The following ASAH1 variants were observed in gnomAD, a reference collection of about 807,000 sequenced individuals.
ASAH1 encodes N-acylsphingosine amidohydrolase 1, also known as acid ceramidase.
In ASAH1, 70 loss-of-function variants were observed where a neutral mutation model predicts 59.5. The ratio of observed to expected loss-of-function variants is 1.18; its 90% confidence interval spans 0.97 to 1.43. ASAH1 has a LOEUF of 1.43. Ranked by LOEUF, ASAH1 falls within the 40% of genes most tolerant of loss-of-function variation. The pLI is 0.00. For synonymous variants in ASAH1, 213 were observed against 166.5 expected (o/e 1.28, Z -2.15); for missense variants, 660 against 482.5 (o/e 1.37, Z -3.45).
At position 18,069,787 on chromosome 8, in the gene ASAH1, C is replaced by G; in HGVS notation, c.303+5G>C. 5 of 1,543,974 alleles carry G rather than the reference C, an allele frequency of 3.2e-6. No individual in the cohort carries two copies. Among genetic ancestry groups the G allele is most frequent in the Non-Finnish European group, 4.5e-6 (5 of 1,117,570 alleles). ...ACATTTATTGTGAGAAATAATATCT[C>G]TTACCAATTTTTCATCCACCACCTG... On this transcript the variant is annotated splice_donor_5th_base_variant and intron_variant, in intron 4 of 13. Transcript: ENST00000637790.
At chr8:18,063,454 C>T (rs992736516) in intron 6 of ASAH1, 8 of 461,178 alleles carry the variant, frequency 1.7e-5, no homozygotes, top group South Asian at 1.1e-4. Flanking sequence ...CAGACATGTG[C>T]GACCGCACCT....
intron 2 of ASAH1, among the ~76,000 whole-genome samples, chr8:18,074,265 A>G (rs1021386693): frequency 1.3e-5 from 2 of 152,058 alleles, no homozygotes; most frequent in African/African-American, 4.8e-5. Flanking sequence ...AGACTTTCAG[A>G]CAGCAGGCCA....
chr8:18,084,530 C>A, upstream of ASAH1: 1 of 1,419,560 alleles, frequency 7.0e-7, no homozygotes, highest in East Asian at 2.5e-5. Flanking sequence ...CCCACCCTGA[C>A]CCATCTTTGC....
Position 18,072,615 on chromosome 8 carries a change from C to G in ASAH1, c.126-1225G>C, listed in dbSNP as rs1800221320. ...TCCCCATTTTCTTAGGAGCTGATAT[C>G]TACATGAAATGCTACAATACTTATA... On this transcript the variant is annotated intron_variant, in intron 2 of 13. Coordinates refer to ENST00000637790, the MANE Select transcript of ASAH1 (RefSeq NM_177924.5). Among the ~76,000 whole-genome samples, 4 of 152,182 alleles carry G rather than the reference C, an allele frequency of 2.6e-5. No homozygotes were observed. In the South Asian group the frequency reaches 8.3e-4, roughly 32 times the overall value.
intron 4 of ASAH1, 74 bp from the exon 5 acceptor site, chr8:18,067,372 TATA>T: frequency 1.1e-6 from 1 of 933,898 alleles, no homozygotes; most frequent in Non-Finnish European, 1.4e-6. Context: ...TATAAACAAA[TATA>T]ATAAAAGCAT....
At chr8:18,063,040 TTA>T (rs1799773424) in intron 7 of ASAH1, 143 bp downstream of exon 7, 3 of 722,240 alleles carry the variant, frequency 4.2e-6, no homozygotes, top group South Asian at 3.2e-5. Flanking sequence ...TGGCTAATTT[TTA>T]TGTTTTTAGT....
chr8:18,061,847 G>C (rs1588977925), intron 8 of ASAH1, 107 bp from the exon 9 acceptor site: 2 of 1,027,388 alleles, frequency 1.9e-6, no homozygotes, highest in Middle Eastern at 2.0e-4. Flanking sequence ...CTTGGGTAAT[G>C]GGGAAGGCAA....
chr8:18,066,034 T>A (rs1280080503), intron 5 of ASAH1: 1 of 152,044 alleles, frequency 6.6e-6, no homozygotes, highest in Non-Finnish European at 1.5e-5. Flanking sequence ...ACCTGAAGCT[T>A]GACCCATAAG....
chr8:18,062,411 A>T lies in ASAH1; in HGVS notation c.516T>A (p.Asn172Lys). The change falls in exon 8 of 14, where the codon AAT becomes AAA. Residue 172 changes from asparagine (N) to lysine (K), a missense_variant. By Grantham distance (94) the Asn-to-Lys change is moderately conservative (BLOSUM62 0). Coordinates refer to ENST00000637790, the MANE Select transcript of ASAH1 (RefSeq NM_177924.5). ...DFGVFLGWNI[N>K]NDTWVITEQL... is the part of the protein sequence containing the mutation. ...GCTCAGTTATGACCCAGGTATCATT[A>T]TTTATGTTCCACCTATAAAAGACAT... 1 of 1,614,150 alleles carries T rather than the reference A, an allele frequency of 6.2e-7. No homozygotes were observed. Among genetic ancestry groups the T allele is most frequent in the East Asian group, 2.2e-5 (1 of 44,872 alleles).
rs1325433398 is a variant in ASAH1, at chr8:18,057,364, A to G, written c.*170T>C. 4.5e-6 allele frequency: 2 copies of G among 446,792 alleles called. No homozygotes were observed. The highest frequency in any genetic ancestry group is 8.5e-6 in the Non-Finnish European group (2 of 236,356). 27.7% of individuals were successfully genotyped at this position (446,792 alleles called of 1,614,324 possible). ...TAAGAAAAATCAACTGATAGGGGGA[A>G]AAAAAAAAGATCTGTCATTTGTCAA... On this transcript the variant is annotated 3_prime_UTR_variant, in exon 14 of 14. Transcript: ENST00000637790.
chr8:18,064,130 T>A (rs548411964), intron 6 of ASAH1: 1 of 496,982 alleles, frequency 2.0e-6, no homozygotes, highest in South Asian at 3.2e-5. Context: ...TACACGAAGA[T>A]AAGGAAGCAC....
At chr8:18,084,950 G>T (rs1481232591), upstream of ASAH1, 6 of 1,184,444 alleles carry the variant, frequency 5.1e-6, no homozygotes, top group African/African-American at 7.6e-5. Context: ...GTAGGTGACC[G>T]GGTTGGATTT....
rs568755414 is a variant in ASAH1, at chr8:18,057,504, G to A, written c.*30C>T. 6.5e-7 allele frequency: 1 copy of A among 1,538,016 alleles called. No individual in the cohort carries two copies. The highest frequency in any genetic ancestry group is 8.9e-7 in the Non-Finnish European group (1 of 1,118,188). ...ATGGAGATGGTGTCTTCATGTCTCA[G>A]AGGCCGCATTCTGTAGGCCAGACGT... On this transcript the variant is annotated 3_prime_UTR_variant, in exon 14 of 14. Coordinates refer to ENST00000637790, the MANE Select transcript of ASAH1 (RefSeq NM_177924.5).
At chr8:18,077,347 CT>C (rs1222460090) in intron 1 of ASAH1, among the ~76,000 whole-genome samples, 5 of 152,182 alleles carry the variant, frequency 3.3e-5, no homozygotes, top group Admixed American at 3.3e-4. Context: ...TCAACTCCGC[CT>C]TTTTCTACTC....
rs1799968527 is a variant in ASAH1, at chr8:18,067,249, C to T, written c.353G>A (p.Gly118Asp). 1.2e-6 allele frequency: 2 copies of T among 1,606,176 alleles called. No homozygotes were observed. The highest frequency in any genetic ancestry group is 2.2e-5 in the South Asian group (2 of 89,956). ...AGGTATATCAGTAACAGCGGCAATA[C>T]CCTTCATTTCCTCTTCAAAAGGGCC... is the stretch of plus-strand genomic sequence containing the variant. The part of the protein sequence containing the change: ...FPGPFEEEMK[G>D]IAAVTDIPLG... Residue 118 changes from glycine (G) to aspartate (D), a missense_variant, in exon 5 of 14, where the codon GGT becomes GAT. Coordinates refer to ENST00000637790, the MANE Select transcript of ASAH1 (RefSeq NM_177924.5).
chr8:18,080,619 A>G (rs1800613361), intron 1 of ASAH1, among the ~76,000 whole-genome samples: 1 of 152,156 alleles, frequency 6.6e-6, no homozygotes, highest in Non-Finnish European at 1.5e-5. Flanking sequence ...GTGCAATGGC[A>G]GGATCTTGGC....
intron 3 of ASAH1, among the ~76,000 whole-genome samples, 200 bp downstream of exon 3, chr8:18,071,100 G>C (rs529649839): frequency 2.0e-5 from 3 of 151,888 alleles, no homozygotes; most frequent in East Asian, 1.9e-4. Context: ...CCAGCTACTC[G>C]GGAAGCTGAG....
chr8:18,078,096 A>C (rs1235660626), intron 1 of ASAH1, among the ~76,000 whole-genome samples: 1 of 152,214 alleles, frequency 6.6e-6, no homozygotes, highest in African/African-American at 2.4e-5. Flanking sequence ...CTAACAGAAT[A>C]ATCTGCGCGT....
At chr8:18,070,678 G>A (rs1450964547) in intron 3 of ASAH1, among the ~76,000 whole-genome samples, 2 of 152,180 alleles carry the variant, frequency 1.3e-5, no homozygotes, top group African/African-American at 2.4e-5. Context: ...GACATAAAGG[G>A]AAAGAAACAA....
Sources: gnomAD v4.1 joint callset for allele counts (sites outside exome capture counted in the v4.1 genomes callset) on GRCh38, gnomAD v4.1.1 for gene constraint, MANE v1.5 for transcripts, NCBI Gene and HGNC (gene_info 2026-07-23, HGNC 2026-07-21) for gene names.